The following TRABD2B variants were observed in gnomAD, a reference collection of about 807,000 sequenced individuals.
TRABD2B encodes the protein TraB domain containing 2B, also known as metalloprotease TIKI2.
In TRABD2B, 14 loss-of-function variants were observed where a neutral mutation model predicts 40.1. The observed-to-expected ratio is 0.35, with a 90% CI of 0.23 to 0.55. TRABD2B has a LOEUF of 0.55. Among genes scored for constraint, TRABD2B ranks in the 20% least tolerant of loss-of-function variants. The pLI is 0.90. For synonymous variants in TRABD2B, 263 were observed against 277.0 expected, an observed-to-expected ratio of 0.95 and a Z score of 0.50; for missense variants, 541 against 648.6, an observed-to-expected ratio of 0.83 and a Z score of 1.80.
At chr1:47,859,799 C>T (rs186991555) in intron 2 of TRABD2B, among the ~76,000 whole-genome samples, 1 of 152,228 alleles carries the variant, frequency 6.6e-6, no homozygotes, top group African/African-American at 2.4e-5. Flanking sequence ...CTTGGCACCT[C>T]TATCACAGGG....
intron 2 of TRABD2B, among the ~76,000 whole-genome samples, chr1:47,833,775 A>G (rs1645280746): frequency 6.6e-6 from 1 of 152,240 alleles, no homozygotes; most frequent in Non-Finnish European, 1.5e-5. Flanking sequence ...AAGTGGAAGG[A>G]GTTGGATATC....
rs61624914 is a variant in TRABD2B, at chr1:47,878,162, A to C, written c.667-76543T>G. 9.3e-3 allele frequency among the ~76,000 whole-genome samples: 1,409 copies of C among 152,222 alleles called. 70 individuals carry two copies. In the East Asian group the frequency reaches 0.14, roughly 16 times the overall value. On this transcript the variant is annotated intron_variant, in intron 2 of 6. Transcript: ENST00000606738. ...AAATCCCATCTCTATTAAAAGCACA[A>C]AAAATTAGCCAGGTGTGGTGGCGAG...
intron 2 of TRABD2B, among the ~76,000 whole-genome samples, chr1:47,906,902 G>C (rs914788677): frequency 6.6e-5 from 10 of 152,316 alleles, no homozygotes; most frequent in Admixed American, 3.3e-4. Flanking sequence ...TTGTGCTGTC[G>C]GTCCCCCTCC....
At chr1:47,834,703 T>C (rs1645295998) in intron 2 of TRABD2B, among the ~76,000 whole-genome samples, 1 of 152,214 alleles carries the variant, frequency 6.6e-6, no homozygotes, top group Non-Finnish European at 1.5e-5. Context: ...AGCAGAGACT[T>C]CAATGGCTTT....
chr1:47,775,418 C>T lies in TRABD2B; in HGVS notation c.1101G>A (p.Ala367=), dbSNP rs369576678. ...TCGTCGAGGTCCCCTCAGGAGAGGG[C>T]GCTGGGCTCTGGGGGGCAGGGCTGG... The part of the protein sequence containing the change: ...AIHSPAPQSP[A]PSPEGTSTSP... Residue 367 remains alanine, a synonymous_variant, in exon 6 of 7, where the codon GCG becomes GCA. Coordinates refer to ENST00000606738, the MANE Select transcript of TRABD2B (RefSeq NM_001194986.2). The T allele has an allele frequency of 9.7e-6, 12 of 1,235,194 alleles. No homozygotes were observed. The South Asian group carries it at 1.2e-4, about 12-fold the overall frequency. 76.5% of individuals were successfully genotyped at this position (1,235,194 alleles called of 1,614,324 possible).
chr1:47,993,887 G>C, intron 2 of TRABD2B, 147 bp downstream of exon 2: 1 of 781,868 alleles, frequency 1.3e-6, no homozygotes. Flanking sequence ...GCCAGGTGCT[G>C]CCTCGCTGCC....
intron 2 of TRABD2B, among the ~76,000 whole-genome samples, chr1:47,988,641 G>C (rs1645955708): frequency 6.6e-6 from 1 of 152,200 alleles, no homozygotes; most frequent in Admixed American, 6.5e-5. Flanking sequence ...AGACAAGCCT[G>C]CCAGCCCCTC....
At chr1:47,955,273 C>T (rs935355030) in intron 2 of TRABD2B, among the ~76,000 whole-genome samples, 2 of 152,186 alleles carry the variant, frequency 1.3e-5, no homozygotes, top group Non-Finnish European at 1.5e-5. Flanking sequence ...AACCTTCTCC[C>T]GCTGTTTCTA....
intron 4 of TRABD2B, among the ~76,000 whole-genome samples, chr1:47,781,884 G>A (rs560876690): frequency 1.1e-4 from 17 of 152,308 alleles, no homozygotes; most frequent in Non-Finnish European, 1.9e-4. Context: ...CACTTGCAAC[G>A]GCCCCAGTGC....
chr1:47,811,922 C>T (rs1293088474), intron 2 of TRABD2B, among the ~76,000 whole-genome samples: 3 of 152,244 alleles, frequency 2.0e-5, no homozygotes, highest in Non-Finnish European at 4.4e-5. Flanking sequence ...ATGATTTCAA[C>T]AGTCTATGTT....
chr1:47,895,209 G>A lies in TRABD2B; in HGVS notation c.667-93590C>T, dbSNP rs547323205. On this transcript the variant is annotated intron_variant, in intron 2 of 6. Transcript: ENST00000606738. ...GCCTGAGCCTACACTGGACACAGAG[G>A]ATGAGCGGAGGGGACGTGGATAGTC... is the stretch of plus-strand genomic sequence containing the variant. Among the ~76,000 whole-genome samples the A allele has an allele frequency of 3.3e-5, 5 of 152,250 alleles. No homozygotes were observed. In the South Asian group the frequency reaches 1.0e-3, roughly 32 times the overall value.
At chr1:47,929,120 G>C (rs1251574489) in intron 2 of TRABD2B, among the ~76,000 whole-genome samples, 1 of 152,158 alleles carries the variant, frequency 6.6e-6, no homozygotes, top group Non-Finnish European at 1.5e-5. Context: ...TTATGTCTCA[G>C]CCTAGATGTT....
At chr1:47,986,729 G>A (rs1570419927) in intron 2 of TRABD2B, among the ~76,000 whole-genome samples, 1 of 152,162 alleles carries the variant, frequency 6.6e-6, no homozygotes, top group South Asian at 2.1e-4. Flanking sequence ...AATTCCTAAA[G>A]AGGGAGGGGG....
intron 2 of TRABD2B, among the ~76,000 whole-genome samples, chr1:47,991,729 T>C (rs539631100): frequency 3.9e-5 from 6 of 152,174 alleles, no homozygotes; most frequent in African/African-American, 1.2e-4. Flanking sequence ...TCTCACTGTC[T>C]CCCCAACCCA....
At chr1:47,886,725 G>T (rs1488622945) in intron 2 of TRABD2B, among the ~76,000 whole-genome samples, 1 of 152,212 alleles carries the variant, frequency 6.6e-6, no homozygotes, top group African/African-American at 2.4e-5. Context: ...GCCAGGCCCT[G>T]TGTTAGGGGC....
chr1:47,917,568 A>T (rs1361518161), intron 2 of TRABD2B, among the ~76,000 whole-genome samples: 1 of 151,944 alleles, frequency 6.6e-6, no homozygotes, highest in African/African-American at 2.4e-5. Context: ...AAAAAATAAA[A>T]TAAAAAAAAA....
At chr1:47,872,577 G>C (rs903027455) in intron 2 of TRABD2B, among the ~76,000 whole-genome samples, 1 of 152,164 alleles carries the variant, frequency 6.6e-6, no homozygotes, top group African/African-American at 2.4e-5. Flanking sequence ...AGCAGAAGTG[G>C]GTGGGCAGCT....
chr1:47,861,311 T>C (rs1486094085), intron 2 of TRABD2B, among the ~76,000 whole-genome samples: 1 of 152,084 alleles, frequency 6.6e-6, no homozygotes, highest in Non-Finnish European at 1.5e-5. Context: ...GTTATTGGCA[T>C]CTAATGAGTA....
At chr1:47,918,065 A>C (rs1434001034) in intron 2 of TRABD2B, among the ~76,000 whole-genome samples, 1 of 152,236 alleles carries the variant, frequency 6.6e-6, no homozygotes, top group Non-Finnish European at 1.5e-5. Flanking sequence ...GATTTAGAAA[A>C]GAAAGCCTCC....
Sources: allele counts gnomAD v4.1 joint callset (sites outside exome capture counted in the v4.1 genomes callset), GRCh38; gene constraint gnomAD v4.1.1; transcripts MANE v1.5; gene names NCBI Gene and HGNC (gene_info 2026-07-23, HGNC 2026-07-21).